The following ST6GALNAC5 variants were observed in gnomAD, a reference collection of about 807,000 sequenced individuals.
The protein encoded by ST6GALNAC5 is alpha-N-acetylgalactosaminide alpha-2,6-sialyltransferase 5.
In ST6GALNAC5, 27 loss-of-function variants were observed where a neutral mutation model predicts 33.6. That is an observed-to-expected ratio of 0.80 (90% CI 0.59 to 1.11). ST6GALNAC5 has a LOEUF of 1.11. ST6GALNAC5 is among the 50% of genes least tolerant of loss of function. The pLI is 0.00. For synonymous variants in ST6GALNAC5, 194 were observed against 171.2 expected (o/e 1.13, Z -1.04); for missense variants, 428 against 454.0 (o/e 0.94, Z 0.52).
At chr1:76,875,992 G>T (rs950685229) in intron 2 of ST6GALNAC5, among the ~76,000 whole-genome samples, 1 of 152,210 alleles carries the variant, frequency 6.6e-6, no homozygotes, top group Non-Finnish European at 1.5e-5. Flanking sequence ...TGTAAAGCAA[G>T]TGCCTTGGTC....
chr1:76,981,799 A>G (rs1649264013), intron 2 of ST6GALNAC5, among the ~76,000 whole-genome samples: 1 of 152,206 alleles, frequency 6.6e-6, no homozygotes, highest in East Asian at 1.9e-4. Flanking sequence ...AGGAAGGATC[A>G]GGCAGCAATA....
intron 2 of ST6GALNAC5, among the ~76,000 whole-genome samples, chr1:77,037,836 T>G (rs1651702063): frequency 6.6e-6 from 1 of 152,074 alleles, no homozygotes; most frequent in Non-Finnish European, 1.5e-5. Context: ...CTGGGGCATA[T>G]GTAGTAGGAT....
chr1:76,907,660 T>C (rs1187557358), intron 2 of ST6GALNAC5, among the ~76,000 whole-genome samples: 2 of 152,082 alleles, frequency 1.3e-5, no homozygotes, highest in Non-Finnish European at 2.9e-5. Flanking sequence ...TCCAACTCTA[T>C]CCAAGGGTCC....
At chr1:76,997,982 A>T (rs1169463925) in intron 2 of ST6GALNAC5, among the ~76,000 whole-genome samples, 1 of 152,110 alleles carries the variant, frequency 6.6e-6, no homozygotes, top group African/African-American at 2.4e-5. Context: ...ATGAGATCTG[A>T]TGGTTTTATA....
intron 4 of ST6GALNAC5, among the ~76,000 whole-genome samples, chr1:77,053,908 T>C (rs1219895656): frequency 6.6e-6 from 1 of 152,164 alleles, no homozygotes; most frequent in African/African-American, 2.4e-5. Flanking sequence ...CTTCCCTAAG[T>C]TCCCAGTGTC....
chr1:76,905,226 A>G (rs1046036544), intron 2 of ST6GALNAC5, among the ~76,000 whole-genome samples: 8 of 152,208 alleles, frequency 5.3e-5, no homozygotes, highest in African/African-American at 1.9e-4. Flanking sequence ...ACTCTGAGAA[A>G]GGATGAGGTG....
chr1:76,875,199 C>A (rs149828509), intron 2 of ST6GALNAC5, among the ~76,000 whole-genome samples: 1 of 152,316 alleles, frequency 6.6e-6, no homozygotes. Flanking sequence ...TTCTACTACT[C>A]ATTGTCTTCC....
intron 2 of ST6GALNAC5, among the ~76,000 whole-genome samples, chr1:76,892,247 C>T (rs1654029138): frequency 6.6e-6 from 1 of 152,168 alleles, no homozygotes; most frequent in Non-Finnish European, 1.5e-5. Context: ...AAGACTATAC[C>T]TCTTTTATGA....
chr1:77,024,157 A>G (rs771214965), intron 2 of ST6GALNAC5, among the ~76,000 whole-genome samples: 1 of 152,252 alleles, frequency 6.6e-6, no homozygotes, highest in African/African-American at 2.4e-5. Flanking sequence ...AGCTGACCCA[A>G]TGTGCTCCCC....
chr1:77,046,687 A>C (rs1248268069), intron 3 of ST6GALNAC5, among the ~76,000 whole-genome samples: 1 of 152,256 alleles, frequency 6.6e-6, no homozygotes, highest in Non-Finnish European at 1.5e-5. Flanking sequence ...ACATTTTATA[A>C]GGAATCAAGA....
intron 2 of ST6GALNAC5, among the ~76,000 whole-genome samples, chr1:76,968,241 A>G (rs979530533): frequency 6.6e-6 from 1 of 152,082 alleles, no homozygotes; most frequent in Non-Finnish European, 1.5e-5. Flanking sequence ...GTCTCTAAGG[A>G]CTTGCTTTAT....
chr1:76,894,956 G>A (rs547589312), intron 2 of ST6GALNAC5, among the ~76,000 whole-genome samples: 1 of 152,220 alleles, frequency 6.6e-6, no homozygotes, highest in East Asian at 1.9e-4. Flanking sequence ...GATTTGGGTA[G>A]ATAAAGGAAA....
chr1:77,054,336 T>C (rs1398296245), intron 4 of ST6GALNAC5, among the ~76,000 whole-genome samples: 2 of 152,152 alleles, frequency 1.3e-5, no homozygotes, highest in South Asian at 2.1e-4. Flanking sequence ...TCAGGTGGCA[T>C]AGGGATAAGG....
chr1:77,043,232 G>A (rs11162254), intron 2 of ST6GALNAC5, among the ~76,000 whole-genome samples: 15 of 152,214 alleles, frequency 9.9e-5, no homozygotes, highest in East Asian at 3.9e-4. Context: ...GCCTCGGGCC[G>A]TAATTACATT....
chr1:76,938,744 C>A (rs1211439516), intron 2 of ST6GALNAC5, among the ~76,000 whole-genome samples: 1 of 152,092 alleles, frequency 6.6e-6, no homozygotes, highest in Non-Finnish European at 1.5e-5. Context: ...AGGGTTGAAT[C>A]CCTGGAACAA....
At chr1:76,964,152 A>T (rs1256142132) in intron 2 of ST6GALNAC5, among the ~76,000 whole-genome samples, 1 of 152,188 alleles carries the variant, frequency 6.6e-6, no homozygotes, top group Non-Finnish European at 1.5e-5. Flanking sequence ...ACTTTAAAAT[A>T]GTAAGTTGTA....
At chr1:77,046,414 CCTAGAAACCTTGTGA>C (rs1365273629) in intron 3 of ST6GALNAC5, among the ~76,000 whole-genome samples, 1 of 152,180 alleles carries the variant, frequency 6.6e-6, no homozygotes, top group Non-Finnish European at 1.5e-5. Context: ...GCTTTTAAAT[CCTAGAAACCTTGTGA>C]CTAGTCAAGG....
chr1:77,051,399 T>C (rs1440475568), intron 4 of ST6GALNAC5, among the ~76,000 whole-genome samples: 1 of 152,052 alleles, frequency 6.6e-6, no homozygotes, highest in Non-Finnish European at 1.5e-5. Flanking sequence ...GAGCAGACCT[T>C]TGATGTAAGG....
chr1:76,966,225 T>C (rs1648471147), intron 2 of ST6GALNAC5, among the ~76,000 whole-genome samples: 1 of 152,200 alleles, frequency 6.6e-6, no homozygotes, highest in Admixed American at 6.5e-5. Flanking sequence ...TGATTCTTCC[T>C]ATTCATGAGC....
Sources: allele counts gnomAD v4.1 joint callset (sites outside exome capture counted in the v4.1 genomes callset), GRCh38; gene constraint gnomAD v4.1.1; transcripts MANE v1.5; gene names NCBI Gene and HGNC (gene_info 2026-07-23, HGNC 2026-07-21).